Variants in CDH13 observed in about 807,000 individuals in gnomAD.
CDH13 encodes the protein cadherin 13.
Under a neutral mutation model 63.8 loss-of-function variants are expected in CDH13, and 24 were observed. The observed-to-expected ratio is 0.38, with a 90% confidence interval of 0.27 to 0.53. The LOEUF is 0.53. Among genes scored for constraint, CDH13 ranks in the 20% least tolerant of loss-of-function variants. The probability of loss-of-function intolerance (pLI) is 0.85; values close to 1 mark genes in which losing one functional copy is unlikely to be tolerated. For synonymous variants in CDH13, 503 were observed against 355.3 expected (o/e 1.42, Z -4.67); for missense variants, 1,049 against 903.1 (o/e 1.16, Z -2.07).
At chr16:83,102,576 C>G (rs967149543) in intron 3 of CDH13, among the ~76,000 whole-genome samples, 2 of 152,110 alleles carry the variant, frequency 1.3e-5, no homozygotes, top group African/African-American at 2.4e-5. Flanking sequence ...GCTAGGAGAT[C>G]GCACTGGAAG....
chr16:82,884,006 T>C (rs2040796424), intron 2 of CDH13, among the ~76,000 whole-genome samples: 1 of 152,082 alleles, frequency 6.6e-6, no homozygotes, highest in Non-Finnish European at 1.5e-5. Context: ...CATACCCCCA[T>C]CATAGGTGTT....
intron 6 of CDH13, among the ~76,000 whole-genome samples, chr16:83,430,105 C>T (rs1282194413): frequency 6.6e-6 from 1 of 152,146 alleles, no homozygotes; most frequent in Non-Finnish European, 1.5e-5. Context: ...CCATGTGATC[C>T]AGCAGTTTCC....
At chr16:83,079,506 GGA>G (rs1408438211) in intron 3 of CDH13, among the ~76,000 whole-genome samples, 1 of 152,076 alleles carries the variant, frequency 6.6e-6, no homozygotes, top group African/African-American at 2.4e-5. Context: ...AGACTTAAAT[GGA>G]AATAATATTT....
At chr16:82,749,838 C>T (rs771096372) in intron 1 of CDH13, among the ~76,000 whole-genome samples, 6 of 152,104 alleles carry the variant, frequency 3.9e-5, no homozygotes, top group Non-Finnish European at 8.8e-5. Flanking sequence ...TTCACCAGCA[C>T]CTAACATACA....
chr16:82,726,297 C>T (rs1451689026), intron 1 of CDH13, among the ~76,000 whole-genome samples: 1 of 152,156 alleles, frequency 6.6e-6, no homozygotes, highest in Non-Finnish European at 1.5e-5. Context: ...ATCTTCATCA[C>T]AGCTACTCAA....
chr16:83,666,822 TACACACAC>T (rs773626268), intron 8 of CDH13, among the ~76,000 whole-genome samples: 2 of 85,274 alleles, frequency 2.3e-5, no homozygotes, highest in African/African-American at 4.3e-5. Flanking sequence ...CCTCCACACA[TACACACAC>T]ACACATACAC....
intron 1 of CDH13, among the ~76,000 whole-genome samples, chr16:82,848,810 C>T (rs1347290701): frequency 6.6e-6 from 1 of 152,178 alleles, no homozygotes; most frequent in East Asian, 1.9e-4. Context: ...AGTTGCATGT[C>T]TCTCTCTTTA....
At chr16:83,267,779 A>C (rs1340482755) in intron 5 of CDH13, among the ~76,000 whole-genome samples, 1 of 152,096 alleles carries the variant, frequency 6.6e-6, no homozygotes, top group Admixed American at 6.6e-5. Context: ...ATTTTTTTTC[A>C]TTAGAAATGA....
intron 1 of CDH13, among the ~76,000 whole-genome samples, chr16:82,771,830 C>T (rs2035280531): frequency 6.6e-6 from 1 of 152,238 alleles, no homozygotes; most frequent in African/African-American, 2.4e-5. Context: ...AGCGAAGTTC[C>T]ATTGAGATAA....
At chr16:83,537,462 G>T (rs1425325591) in intron 7 of CDH13, among the ~76,000 whole-genome samples, 1 of 152,148 alleles carries the variant, frequency 6.6e-6, no homozygotes, top group Non-Finnish European at 1.5e-5. Flanking sequence ...ATTTGAATTT[G>T]AATTTGGTAG....
chr16:82,871,764 G>A (rs966085390), intron 2 of CDH13, among the ~76,000 whole-genome samples: 1 of 152,122 alleles, frequency 6.6e-6, no homozygotes, highest in Non-Finnish European at 1.5e-5. Context: ...ATGCATTAAT[G>A]ATATCCTCAA....
At chr16:83,360,875 T>A (rs1400021776) in intron 6 of CDH13, among the ~76,000 whole-genome samples, 2 of 152,228 alleles carry the variant, frequency 1.3e-5, no homozygotes, top group East Asian at 3.8e-4. Flanking sequence ...CCTAGGTTGA[T>A]TCCATGTCTT....
intron 4 of CDH13, among the ~76,000 whole-genome samples, chr16:83,128,247 C>T (rs758984591): frequency 4.6e-5 from 7 of 152,036 alleles, no homozygotes; most frequent in Non-Finnish European, 7.4e-5. Context: ...GATATGCAGC[C>T]GAGGTGGAGG....
intron 5 of CDH13, among the ~76,000 whole-genome samples, chr16:83,344,061 G>A (rs2090784125): frequency 6.6e-6 from 1 of 152,110 alleles, no homozygotes; most frequent in Non-Finnish European, 1.5e-5. Context: ...GCCCTTTTCT[G>A]ATCAAAATAC....
At chr16:83,118,828 C>T (rs1395297930) in intron 3 of CDH13, among the ~76,000 whole-genome samples, 1 of 152,162 alleles carries the variant, frequency 6.6e-6, no homozygotes, top group East Asian at 1.9e-4. Flanking sequence ...GATGTAACTG[C>T]TGATTCCTCT....
At chr16:83,784,956 A>G (rs1304731773) in intron 13 of CDH13, among the ~76,000 whole-genome samples, 1 of 152,242 alleles carries the variant, frequency 6.6e-6, no homozygotes, top group Non-Finnish European at 1.5e-5. Flanking sequence ...AAAGAGAGAG[A>G]GAAAATAGAA....
chr16:83,292,439 A>T (rs1479970504), intron 5 of CDH13, among the ~76,000 whole-genome samples: 1 of 151,874 alleles, frequency 6.6e-6, no homozygotes, highest in Non-Finnish European at 1.5e-5. Flanking sequence ...GCTGCCAAGA[A>T]CTCTCCATTA....
Position 83,799,150 on chromosome 16 carries a change from A to T in CDH13, c.*4120A>T, listed in dbSNP as rs1283410084. 2.0e-5 allele frequency: 3 copies of T among 151,840 alleles called. No homozygotes were observed. The East Asian group carries it at 5.8e-4, about 29-fold the overall frequency. 9.4% of individuals were successfully genotyped at this position (151,840 alleles called of 1,614,324 possible). On this transcript the variant is annotated 3_prime_UTR_variant, in exon 14 of 14. Coordinates refer to ENST00000567109, the MANE Select transcript of CDH13 (RefSeq NM_001257.5). Reference sequence around the variant, plus strand: ...AGCATGGTGAAACCCTATCTCTACTAAAAAATACAAAAATTAGCTGGGTGT... The same window carrying T: ...AGCATGGTGAAACCCTATCTCTACTTAAAAATACAAAAATTAGCTGGGTGT...
At chr16:83,349,109 G>A (rs1348395503) in intron 6 of CDH13, among the ~76,000 whole-genome samples, 1 of 152,148 alleles carries the variant, frequency 6.6e-6, no homozygotes, top group Admixed American at 6.5e-5. Flanking sequence ...GTATTGTTTT[G>A]GTGAATCATT....
Sources: gnomAD v4.1 joint callset for allele counts (sites outside exome capture counted in the v4.1 genomes callset) on GRCh38, gnomAD v4.1.1 for gene constraint, MANE v1.5 for transcripts, NCBI Gene and HGNC (gene_info 2026-07-23, HGNC 2026-07-21) for gene names.